ZNF610: variants seen among roughly 807,000 people sequenced by gnomAD.
The protein encoded by ZNF610 is zink finger protein.
Under a neutral mutation model 14.1 loss-of-function variants are expected in ZNF610, and 14 were observed. The ratio of observed to expected loss-of-function variants is 0.99; its 90% confidence interval spans 0.65 to 1.55. ZNF610 has a LOEUF of 1.55. Among genes scored for constraint, ZNF610 ranks in the 40% most tolerant of loss-of-function variants. The pLI is 0.00. For synonymous variants in ZNF610, 185 were observed against 187.6 expected (o/e 0.99, Z 0.11); for missense variants, 530 against 558.0 (o/e 0.95, Z 0.51).
intron 3 of ZNF610, among the ~76,000 whole-genome samples, chr19:52,351,604 A>C (rs796868877): frequency 6.6e-6 from 1 of 151,230 alleles, no homozygotes; most frequent in Admixed American, 6.6e-5. Context: ...TTTGCTTGTC[A>C]CCTCCTCACT....
intron 5 of ZNF610, among the ~76,000 whole-genome samples, chr19:52,361,625 A>C (rs1985784253): frequency 1.6e-5 from 2 of 126,056 alleles, no homozygotes; most frequent in African/African-American, 5.4e-5. Flanking sequence ...TTTAATTTAA[A>C]AATTTTTTTT....
chr19:52,353,947 G>A lies in ZNF610; in HGVS notation c.190+139G>A. 5.1e-6 allele frequency: 6 copies of A among 1,185,200 alleles called. No individual in the cohort carries two copies. In the South Asian group the frequency reaches 7.8e-5, roughly 15 times the overall value. The allele number at this position is 1,185,200 out of a possible 1,614,324, so 73.4% of individuals were successfully genotyped here. ...ACTCAGAAATGAAAAGCTCTATTATGCTCTCTGGATTTGAAATGCGTCCTT... is the reference window on the plus strand; with the variant it reads ...ACTCAGAAATGAAAAGCTCTATTATACTCTCTGGATTTGAAATGCGTCCTT... On this transcript the variant is annotated intron_variant, in intron 4 of 5. Transcript: ENST00000403906.
chr19:52,353,637 A>G lies in ZNF610; in HGVS notation c.64-45A>G, dbSNP rs376259021. 104 of 1,603,680 alleles carry G rather than the reference A, an allele frequency of 6.5e-5. 1 individual carries two copies. The highest frequency in any genetic ancestry group is 1.0e-4 in the South Asian group (9 of 89,420). On this transcript the variant is annotated intron_variant, in intron 3 of 5. Coordinates refer to ENST00000403906, the MANE Select transcript of ZNF610 (RefSeq NM_001161425.2). Reference sequence around the variant, plus strand: ...ATGTTTATCAACTAAATTGAGTACAATTTCTACATTTTTAGTGTTGTAAAC... The same window carrying G: ...ATGTTTATCAACTAAATTGAGTACAGTTTCTACATTTTTAGTGTTGTAAAC...
At chr19:52,340,023 C>G (rs972723712) in intron 1 of ZNF610, among the ~76,000 whole-genome samples, 1 of 152,206 alleles carries the variant, frequency 6.6e-6, no homozygotes, top group Non-Finnish European at 1.5e-5. Context: ...ACCTTTAACC[C>G]GTGGAATCTG....
intron 5 of ZNF610, among the ~76,000 whole-genome samples, chr19:52,365,300 G>A (rs981085303): frequency 6.6e-6 from 1 of 151,628 alleles, no homozygotes. Context: ...TTAGCCTGTT[G>A]TAAAGGGTGT....
intron 1 of ZNF610, among the ~76,000 whole-genome samples, chr19:52,339,689 A>G (rs977329141): frequency 6.6e-6 from 1 of 152,190 alleles, no homozygotes; most frequent in Non-Finnish European, 1.5e-5. Context: ...ACTTCTTTCT[A>G]CATAGACACA....
chr19:52,334,384 G>A (rs979875305), upstream of ZNF610, among the ~76,000 whole-genome samples: 4 of 152,190 alleles, frequency 2.6e-5, no homozygotes, highest in Non-Finnish European at 5.9e-5. Flanking sequence ...ATGGTGGCAC[G>A]TGCCTGTAGT....
chr19:52,338,855 GAC>G (rs965055578), intron 1 of ZNF610, among the ~76,000 whole-genome samples: 48 of 152,200 alleles, frequency 3.2e-4, no homozygotes, highest in African/African-American at 1.1e-3. Context: ...AAAAGAAAGA[GAC>G]ACAGAGCAAA....
Position 52,367,047 on chromosome 19 carries a change from C to T in ZNF610, c.*280C>T, listed in dbSNP as rs1986135262. 2.6e-6 allele frequency: 1 copy of T among 377,546 alleles called. No individual in the cohort carries two copies. The highest frequency in any genetic ancestry group is 9.8e-5 in the South Asian group (1 of 10,180). The allele number at this position is 377,546 out of a possible 1,614,324, so 23.4% of individuals were successfully genotyped here. On this transcript the variant is annotated 3_prime_UTR_variant, in exon 6 of 6. Transcript: ENST00000403906. ...TAGGATTCACATTTAACTGCTGGCA[C>T]CGTAATTTGTAACTCTTTGATTTAG... is the stretch of plus-strand genomic sequence containing the variant.
At chr19:52,362,489 A>G (rs1985832147) in intron 5 of ZNF610, among the ~76,000 whole-genome samples, 1 of 152,212 alleles carries the variant, frequency 6.6e-6, no homozygotes, top group African/African-American at 2.4e-5. Context: ...CCTGGCTTGA[A>G]GTACTCCTCA....
At chr19:52,350,406 G>C (rs1985193608) in intron 3 of ZNF610, among the ~76,000 whole-genome samples, 1 of 152,156 alleles carries the variant, frequency 6.6e-6, no homozygotes, top group South Asian at 2.1e-4. Flanking sequence ...GGCCGGGCGT[G>C]GTGGCTCACG....
chr19:52,367,155 G>A lies in ZNF610; in HGVS notation c.*388G>A, dbSNP rs762691833. 13 of 166,584 alleles carry A rather than the reference G, an allele frequency of 7.8e-5. No homozygotes were observed. The highest frequency in any genetic ancestry group is 1.7e-4 in the South Asian group (1 of 5,910). The allele number at this position is 166,584 out of a possible 1,614,324, so 10.3% of individuals were successfully genotyped here. A position where few individuals can be genotyped will look rare whatever the true frequency, so the allele number is the denominator to read the frequency against. ...TCTTTTTTTTTTGAGACGAAGTCTC[G>A]CTGTATTACCCAGGCTGGAGTGCAG... On this transcript the variant is annotated 3_prime_UTR_variant, in exon 6 of 6. Transcript: ENST00000403906.
chr19:52,349,819 T>G (rs1317839715), intron 3 of ZNF610, among the ~76,000 whole-genome samples: 1 of 152,116 alleles, frequency 6.6e-6, no homozygotes, highest in African/African-American at 2.4e-5. Flanking sequence ...TCCACCTGCC[T>G]CGGCCTCCCA....
chr19:52,364,878 G>GT (rs1555802623), intron 5 of ZNF610, among the ~76,000 whole-genome samples: 1 of 152,034 alleles, frequency 6.6e-6, no homozygotes, highest in Non-Finnish European at 1.5e-5. Flanking sequence ...GCACCCAGCC[G>GT]TATTTTTTTT....
At chr19:52,354,157 T>C in intron 4 of ZNF610, 94 bp from the exon 5 acceptor site, 1 of 1,523,104 alleles carries the variant, frequency 6.6e-7, no homozygotes, top group Non-Finnish European at 8.9e-7. Context: ...ATATTATTCT[T>C]GATCCATTTG....
In ZNF610 at chr19:52,366,752, C is replaced by T. The variant is rs1232009504; in HGVS notation, c.1374C>T (p.Thr458=). The change falls in exon 6 of 6, where the codon ACC becomes ACT. Residue 458 remains threonine (T), a synonymous_variant. Coordinates refer to ENST00000403906, the MANE Select transcript of ZNF610 (RefSeq NM_001161425.2). ...ATGCTGGAGAGAATTCACTGCGTACCTTACAGATGGAATGAATGTGGCAAA... is the reference window on the plus strand; with the variant it reads ...ATGCTGGAGAGAATTCACTGCGTACTTTACAGATGGAATGAATGTGGCAAA... The part of the protein sequence containing the change: ...KIHAGENSLR[T]LQME 6.2e-7 allele frequency: 1 copy of T among 1,610,130 alleles called. No homozygotes were observed. The highest frequency in any genetic ancestry group is 8.5e-7 in the Non-Finnish European group (1 of 1,177,142).
intron 1 of ZNF610, among the ~76,000 whole-genome samples, chr19:52,336,781 C>T (rs1045818080): frequency 4.6e-5 from 7 of 152,280 alleles, no homozygotes; most frequent in East Asian, 3.9e-4. Context: ...CTCCCCAGGC[C>T]TCCCCTTCGC....
rs34089619 is a variant in ZNF610, at chr19:52,343,564, C to CA, written c.-257-4132dup. On this transcript the variant is annotated intron_variant, in intron 1 of 5. Transcript: ENST00000403906. Reference sequence around the variant, plus strand: ...CTTGGGTGACAGAGTGAGACTGTCTCAAAAAAAAAAATGTATTTGCTCAGT... The same window carrying CA: ...CTTGGGTGACAGAGTGAGACTGTCTCAAAAAAAAAAAATGTATTTGCTCAGT... Among the ~76,000 whole-genome samples the CA allele has an allele frequency of 7.6e-3, 1,144 of 150,182 alleles. 13 individuals are homozygous for CA. The highest frequency in any genetic ancestry group is 0.02 in the East Asian group (102 of 5,030).
upstream of ZNF610, among the ~76,000 whole-genome samples, chr19:52,335,241 C>A (rs902866061): frequency 6.6e-6 from 1 of 151,980 alleles, no homozygotes; most frequent in Non-Finnish European, 1.5e-5. Context: ...GGAGGCGGAG[C>A]TTGCAGTGAG....
Sources: gnomAD v4.1 joint callset for allele counts (sites outside exome capture counted in the v4.1 genomes callset) on GRCh38, gnomAD v4.1.1 for gene constraint, MANE v1.5 for transcripts, NCBI Gene and HGNC (gene_info 2026-07-23, HGNC 2026-07-21) for gene names.